The following EYA4 variants were observed in gnomAD, a reference collection of about 807,000 sequenced individuals.
EYA4 encodes the protein EYA transcriptional coactivator and phosphatase 4.
A neutral mutation model predicts 87.9 loss-of-function variants in EYA4; 31 were observed. That is an observed-to-expected ratio of 0.35 (90% confidence interval 0.27 to 0.48). The LOEUF (loss-of-function observed/expected upper bound fraction) is 0.48, where lower values mean the gene tolerates loss of function less well. Ranked by LOEUF, EYA4 falls within the 20% of genes least tolerant of loss-of-function variation. The pLI is 0.99. For synonymous variants in EYA4, 263 were observed against 270.6 expected (o/e 0.97, Z 0.28); for missense variants, 678 against 761.4 (o/e 0.89, Z 1.29).
At chr6:133,277,356 A>G (rs1777261750) in intron 2 of EYA4, among the ~76,000 whole-genome samples, 1 of 152,226 alleles carries the variant, frequency 6.6e-6, no homozygotes, top group Non-Finnish European at 1.5e-5. Context: ...CTCTGGCCCC[A>G]AAACTTTTAA....
intron 3 of EYA4, among the ~76,000 whole-genome samples, chr6:133,411,707 CATA>C (rs1344446498): frequency 1.1e-4 from 16 of 152,140 alleles, no homozygotes; most frequent in Admixed American, 5.9e-4. Context: ...TATCAGAGCA[CATA>C]ATAATTTATG....
chr6:133,464,210 G>A (rs544861612), intron 9 of EYA4, among the ~76,000 whole-genome samples: 1 of 152,134 alleles, frequency 6.6e-6, no homozygotes, highest in South Asian at 2.1e-4. Flanking sequence ...TTGTAGTAAA[G>A]TTTTAGAAGG....
chr6:133,425,260 C>T (rs989145824), intron 3 of EYA4, among the ~76,000 whole-genome samples: 6 of 150,698 alleles, frequency 4.0e-5, no homozygotes, highest in East Asian at 2.0e-4. Context: ...TGGGACAGGA[C>T]GTGCATAGGT....
At chr6:133,455,712 ATAGCT>A (rs1228745354) in intron 5 of EYA4, among the ~76,000 whole-genome samples, 2 of 152,160 alleles carry the variant, frequency 1.3e-5, no homozygotes, top group African/African-American at 4.8e-5. Context: ...TAAGTAGAAA[ATAGCT>A]TAGTTTATTT....
chr6:133,377,091 A>C (rs907693939), intron 2 of EYA4, among the ~76,000 whole-genome samples: 3 of 151,854 alleles, frequency 2.0e-5, no homozygotes, highest in African/African-American at 7.3e-5. Flanking sequence ...CTCCTCCACT[A>C]GAGGAGGAGG....
intron 2 of EYA4, among the ~76,000 whole-genome samples, chr6:133,304,471 T>C: frequency 6.6e-6 from 1 of 152,150 alleles, no homozygotes; most frequent in East Asian, 1.9e-4. Context: ...GAAGAAAATT[T>C]AGACTGAAGG....
intron 2 of EYA4, among the ~76,000 whole-genome samples, chr6:133,367,146 A>C (rs211630): frequency 0.89 from 135,963 of 152,160 alleles, 61,099 homozygotes; most frequent in East Asian, 0.95. Flanking sequence ...TGCCCCCATA[A>C]CCTGGATCCT....
chr6:133,278,447 A>G (rs369857802), intron 2 of EYA4, among the ~76,000 whole-genome samples: 2 of 152,330 alleles, frequency 1.3e-5, no homozygotes, highest in East Asian at 3.9e-4. Flanking sequence ...CTTAAGAGTA[A>G]TGGTGGATCT....
chr6:133,524,176 TAGAA>T (rs1198582498), intron 18 of EYA4, among the ~76,000 whole-genome samples: 9 of 152,330 alleles, frequency 5.9e-5, no homozygotes, highest in Admixed American at 2.6e-4. Context: ...GCAGGACTAA[TAGAA>T]AGAAGGTAAT....
intron 2 of EYA4, among the ~76,000 whole-genome samples, chr6:133,365,843 A>G (rs1267160222): frequency 6.6e-6 from 1 of 152,074 alleles, no homozygotes; most frequent in African/African-American, 2.4e-5. Context: ...GCTGCATATG[A>G]AGGGCATGAT....
intron 18 of EYA4, 155 bp from the exon 19 acceptor site, chr6:133,524,999 G>A (rs914983214): frequency 3.8e-6 from 6 of 1,599,316 alleles, no homozygotes; most frequent in Middle Eastern, 1.7e-4. Context: ...AGAATAAGCA[G>A]TGCATTGTTT....
chr6:133,242,187 C>T (rs529835396), intron 1 of EYA4, among the ~76,000 whole-genome samples: 12 of 152,316 alleles, frequency 7.9e-5, no homozygotes, highest in Admixed American at 6.5e-4. Context: ...TTCTGATGAC[C>T]CCCTAGATGG....
At chr6:133,296,715 A>C (rs936174641) in intron 2 of EYA4, among the ~76,000 whole-genome samples, 1 of 152,138 alleles carries the variant, frequency 6.6e-6, no homozygotes, top group South Asian at 2.1e-4. Flanking sequence ...TCTCCTCTAT[A>C]TGGCAAACGA....
At chr6:133,396,197 G>C (rs189842676) in intron 3 of EYA4, among the ~76,000 whole-genome samples, 1 of 152,064 alleles carries the variant, frequency 6.6e-6, no homozygotes, top group African/African-American at 2.4e-5. Context: ...AATGCATTCT[G>C]TCATGTGATT....
At chr6:133,300,872 TA>T (rs1448394883) in intron 2 of EYA4, among the ~76,000 whole-genome samples, 1 of 152,220 alleles carries the variant, frequency 6.6e-6, no homozygotes, top group African/African-American at 2.4e-5. Flanking sequence ...TTATAACTTT[TA>T]ATGAGCGCAA....
rs576752588 is a variant in EYA4 at position 133,438,998 on chromosome 6, C to T, written c.84-7632C>T. ...CAGAGCTTGCAGTGAGCCAAGATGGCACCACTGCACTACTGTACTCCAGCC... is the reference window on the plus strand; with the variant it reads ...CAGAGCTTGCAGTGAGCCAAGATGGTACCACTGCACTACTGTACTCCAGCC... On this transcript the variant is annotated intron_variant, in intron 3 of 19. Transcript: ENST00000355286. Among the ~76,000 whole-genome samples the T allele has an allele frequency of 3.6e-4, 48 of 133,822 alleles. No homozygotes were observed. The South Asian group carries it at 0.011, about 30-fold the overall frequency. The allele number at this position is 133,822 out of a possible 152,430, so 87.8% of individuals were successfully genotyped here.
At chr6:133,363,625 C>A (rs960011303) in intron 2 of EYA4, among the ~76,000 whole-genome samples, 4 of 139,026 alleles carry the variant, frequency 2.9e-5, no homozygotes, top group African/African-American at 1.1e-4. Context: ...CAGGCGCACG[C>A]TGCCACGCCT....
intron 3 of EYA4, among the ~76,000 whole-genome samples, chr6:133,412,594 A>C (rs1789339154): frequency 1.3e-5 from 2 of 152,266 alleles, no homozygotes; most frequent in South Asian, 4.1e-4. Context: ...ATGTGAGAGC[A>C]TGTGTTTGTT....
chr6:133,258,579 ACCTGCCCT>A (rs1331600906), intron 1 of EYA4, among the ~76,000 whole-genome samples: 1 of 152,038 alleles, frequency 6.6e-6, no homozygotes, highest in Non-Finnish European at 1.5e-5. Context: ...TAGTGATGAC[ACCTGCCCT>A]CCTCCCCTTC....
Sources: gnomAD v4.1 joint callset for allele counts (sites outside exome capture counted in the v4.1 genomes callset) on GRCh38, gnomAD v4.1.1 for gene constraint, MANE v1.5 for transcripts, NCBI Gene and HGNC (gene_info 2026-07-23, HGNC 2026-07-21) for gene names.